The following WDR45 variants were observed in gnomAD, a reference collection of about 807,000 sequenced individuals.
The protein encoded by WDR45 is WD repeat domain 45.
In WDR45, 2 loss-of-function variants were observed where a neutral mutation model predicts 27.3. The observed-to-expected ratio is 0.07, with a 90% CI of 0.03 to 0.23. WDR45 has a LOEUF of 0.23. Among genes scored for constraint, WDR45 ranks in the 10% least tolerant of loss-of-function variants. The pLI, the probability that WDR45 is intolerant of heterozygous loss-of-function variation, is 1.00. For missense variants in WDR45, 175 were observed against 311.9 expected (o/e 0.56, Z 3.31); for synonymous variants, 99 against 119.2 (o/e 0.83, Z 1.11).
chrX:49,099,322 C>CAA (rs367934239), intron 2 of WDR45, among the ~76,000 whole-genome samples: 3 of 101,790 alleles, frequency 2.9e-5, no homozygotes, highest in African/African-American at 7.1e-5. Flanking sequence ...GACTCCATTT[C>CAA]AAAAAAAAAA....
rs1323106098 is a variant in WDR45 at position 49,074,735 on chromosome X, C to T, written c.*68G>A. On this transcript the variant is annotated 3_prime_UTR_variant, in exon 11 of 11. Coordinates refer to ENST00000376372, the MANE Select transcript of WDR45 (RefSeq NM_001029896.2). The stretch of plus-strand genomic sequence containing the variant: ...CTTGCTGGCTGGTGGCTTCCAAGCA[C>T]GCCCCACTGCCAAGGCTCAGCTCTG... 13 of 956,250 alleles carry T rather than the reference C, an allele frequency of 1.4e-5. No homozygotes were observed. Among genetic ancestry groups the T allele is most frequent in the Admixed American group, 1.2e-4 (5 of 43,149 alleles). 78.8% of individuals were successfully genotyped at this position (956,250 alleles called of 1,213,427 possible). A position where few individuals can be genotyped will look rare whatever the true frequency, so the allele number is the denominator to read the frequency against.
At chrX:49,081,557 T>C (rs1167305331), upstream of WDR45, among the ~76,000 whole-genome samples, 1 of 101,107 alleles carries the variant, frequency 9.9e-6, no homozygotes, top group Non-Finnish European at 2.0e-5. Flanking sequence ...CCGGGCGTGG[T>C]GACACGCGCC....
At chrX:49,089,127 A>AAAATACAAAAATAC (rs1883430114) in intron 2 of WDR45, among the ~76,000 whole-genome samples, 1 of 110,979 alleles carries the variant, frequency 9.0e-6, no homozygotes, top group Admixed American at 9.7e-5. Context: ...GTCTCTACTA[A>AAAATACAAAAATAC]AAATACAAAA....
In WDR45 at chrX:49,097,665, T is replaced by A. The variant is rs189137617; in HGVS notation, c.-18+2540A>T. On this transcript the variant is annotated intron_variant, in intron 2 of 11. Coordinates refer to the WDR45 transcript ENST00000356463. Reference sequence around the variant, plus strand: ...TTTTTGTATTATTATTATTATTATTTTTTTTTTTGAGATGGAATTTTGCTC... The same window carrying A: ...TTTTTGTATTATTATTATTATTATTATTTTTTTTGAGATGGAATTTTGCTC... Among the ~76,000 whole-genome samples the A allele has an allele frequency of 4.5e-3, 460 of 102,350 alleles. 2 individuals are homozygous for A. Among genetic ancestry groups the A allele is most frequent in the African/African-American group, 7.4e-3 (212 of 28,537 alleles). The allele number at this position is 102,350 out of a possible 115,157, so 88.9% of individuals were successfully genotyped here.
intron 1 of WDR45, 78 bp from the exon 2 acceptor site, chrX:49,078,190 C>G: frequency 6.4e-6 from 6 of 932,109 alleles, no homozygotes; most frequent in Non-Finnish European, 9.2e-6. Context: ...TTTCCTCCTC[C>G]TACTCTGCTA....
chrX:49,075,607 G>A lies in WDR45; in HGVS notation c.663C>T (p.Asp221=), dbSNP rs1366389479. The change falls in exon 8 of 11, where the codon GAC becomes GAT. Residue 221 remains aspartate (D), a synonymous_variant. Transcript: ENST00000376372. ...SQKGTLIRLF[D]TQSKEKLVEL... is the part of the protein sequence containing the mutation. ...CCACCAGTTTCTCCTTGGATTGTGTGTCAAAGAGGCGAATAAGGGTACCCT... is the reference window on the plus strand; with the variant it reads ...CCACCAGTTTCTCCTTGGATTGTGTATCAAAGAGGCGAATAAGGGTACCCT... 1 of 1,209,858 alleles carries A rather than the reference G, an allele frequency of 8.3e-7. No individual in the cohort carries two copies. Among genetic ancestry groups the A allele is most frequent in the Non-Finnish European group, 1.1e-6 (1 of 895,174 alleles).
intron 2 of WDR45, among the ~76,000 whole-genome samples, chrX:49,097,747 C>T (rs2065131090): frequency 9.3e-6 from 1 of 107,899 alleles, no homozygotes; most frequent in South Asian, 4.1e-4. Context: ...ACCTCTGCCT[C>T]CCAGGTTCAA....
intron 2 of WDR45, among the ~76,000 whole-genome samples, chrX:49,087,056 T>C (rs1452649587): frequency 2.7e-5 from 3 of 109,904 alleles, no homozygotes; most frequent in African/African-American, 9.9e-5. Context: ...TTTTTGTTTT[T>C]TTTTTTTAAA....
rs181481912 is a variant in WDR45 at position 49,093,164 on chromosome X, C to G, written c.-18+7041G>C. 5.6e-4 allele frequency among the ~76,000 whole-genome samples: 63 copies of G among 111,639 alleles called. 3 individuals are homozygous for G. In the South Asian group the frequency reaches 0.014, roughly 24 times the overall value. ...AGGATGGTCTCGATCTGACCTCGGCCTCCCAAAGTGCTGGGATTACAGGTG... is the reference window on the plus strand; with the variant it reads ...AGGATGGTCTCGATCTGACCTCGGCGTCCCAAAGTGCTGGGATTACAGGTG... On this transcript the variant is annotated intron_variant, in intron 2 of 11. Transcript: ENST00000356463.
intron 2 of WDR45, among the ~76,000 whole-genome samples, chrX:49,094,443 T>C (rs1193163642): frequency 1.8e-5 from 2 of 111,066 alleles, no homozygotes; most frequent in African/African-American, 6.5e-5. Context: ...CACTCCAGCC[T>C]GGGTGAAAAA....
chrX:49,099,041 G>A (rs1342765334), intron 2 of WDR45, among the ~76,000 whole-genome samples: 1 of 111,152 alleles, frequency 9.0e-6, no homozygotes, highest in Non-Finnish European at 1.9e-5. Flanking sequence ...TCCAGAGGAG[G>A]GGCCTGGCAC....
exon 2 of WDR45, chrX:49,100,271 G>A (rs1319905531): frequency 1.0e-5 from 1 of 95,923 alleles, no homozygotes; most frequent in African/African-American, 4.0e-5. Context: ...GTTTCGCTCT[G>A]TCGCCCAGGC....
intron 4 of WDR45, 138 bp from the exon 5 acceptor site, chrX:49,076,888 G>GCA (rs1288028986): frequency 2.0e-6 from 1 of 496,823 alleles, no homozygotes; most frequent in Non-Finnish European, 3.6e-6. Flanking sequence ...TGAGATCCTC[G>GCA]CACAGCACGA....
At chrX:49,077,467 T>C (rs1339237001) in intron 4 of WDR45, 176 bp downstream of exon 4, 1 of 492,719 alleles carries the variant, frequency 2.0e-6, no homozygotes, top group Non-Finnish European at 3.6e-6. Context: ...ATTTTTAAAA[T>C]GAAAACAAAG....
intron 10 of WDR45, 25 bp from the exon 11 acceptor site, chrX:49,074,937 G>C: frequency 1.7e-6 from 2 of 1,159,547 alleles, no homozygotes; most frequent in Non-Finnish European, 1.2e-6. Flanking sequence ...GTGGTAAAAG[G>C]TCAGAGGCTG....
upstream of WDR45, chrX:49,080,218 C>T (rs1359187886): frequency 8.9e-6 from 1 of 112,176 alleles, no homozygotes; most frequent in Non-Finnish European, 1.9e-5. Context: ...GCTAACAAGA[C>T]GCGGACCTCC....
intron 1 of WDR45, chrX:49,079,549 C>T (rs1377558431): frequency 8.9e-6 from 1 of 111,812 alleles, no homozygotes; most frequent in Non-Finnish European, 1.9e-5. Flanking sequence ...TTTCTTTGGA[C>T]AGCTCTGCCT....
intron 1 of WDR45, chrX:49,079,136 C>A (rs5953259): frequency 0.4 from 43,445 of 108,852 alleles, 8,529 homozygotes; most frequent in Middle Eastern, 0.65. Flanking sequence ...CCCTAGGATT[C>A]CCCCTAGCAC....
intron 2 of WDR45, among the ~76,000 whole-genome samples, chrX:49,095,759 CTTTT>C (rs1204267334): frequency 1.1e-4 from 3 of 26,136 alleles, no homozygotes; most frequent in African/African-American, 4.9e-4. Context: ...CGTGCCCGGC[CTTTT>C]TTTTTTTTTT....
Sources: allele counts gnomAD v4.1 joint callset (sites outside exome capture counted in the v4.1 genomes callset), GRCh38; gene constraint gnomAD v4.1.1; transcripts MANE v1.5; gene names NCBI Gene and HGNC (gene_info 2026-07-23, HGNC 2026-07-21).